CDH13: variants seen among roughly 807,000 people sequenced by gnomAD.
CDH13 encodes the protein cadherin 13, also known as cadherin-13.
CDH13 carries 24 observed loss-of-function variants against 63.8 expected under a neutral mutation model. The observed-to-expected ratio is 0.38, with a 90% confidence interval of 0.27 to 0.53. The LOEUF is 0.53. Among genes scored for constraint, CDH13 ranks in the 20% least tolerant of loss-of-function variants. CDH13 has a pLI of 0.85. For synonymous variants in CDH13, 503 were observed against 355.3 expected, an observed-to-expected ratio of 1.42 and a Z score of -4.67; for missense variants, 1,049 against 903.1, an observed-to-expected ratio of 1.16 and a Z score of -2.07.
rs73593957 is a variant in CDH13 at position 83,254,548 on chromosome 16, G to C, written c.636+37051G>C. 5.9e-3 allele frequency among the ~76,000 whole-genome samples: 891 copies of C among 152,204 alleles called. 8 individuals carry two copies. Among genetic ancestry groups the C allele is most frequent in the African/African-American group, 0.021 (853 of 41,520 alleles). ...TCTATGGACAGGATCCCCTGTGGCT[G>C]GCATGCTGTCACCATCTCCTCCTCC... On this transcript the variant is annotated intron_variant, in intron 5 of 13. Coordinates refer to ENST00000567109, the MANE Select transcript of CDH13 (RefSeq NM_001257.5).
intron 2 of CDH13, among the ~76,000 whole-genome samples, chr16:82,883,115 A>C (rs959653153): frequency 3.9e-5 from 6 of 152,202 alleles, no homozygotes; most frequent in Non-Finnish European, 8.8e-5. Flanking sequence ...ATGGGGTTTC[A>C]CACCATTAAA....
chr16:83,632,885 G>A lies in CDH13; in HGVS notation c.1101+30291G>A, dbSNP rs540437311. The stretch of plus-strand genomic sequence containing the variant: ...AAGGTGGATTATTCTTGGGTTTTCC[G>A]GGAAAGGGGTGGGCAGTTCCCAGAA... On this transcript the variant is annotated intron_variant, in intron 8 of 13. Transcript: ENST00000567109. Among the ~76,000 whole-genome samples, 91 of 151,518 alleles carry A rather than the reference G, an allele frequency of 6.0e-4. No individual in the cohort carries two copies. The Middle Eastern group carries it at 0.014, about 23-fold the overall frequency.
chr16:83,538,285 T>A (rs1425808330), intron 7 of CDH13, among the ~76,000 whole-genome samples: 1 of 152,304 alleles, frequency 6.6e-6, no homozygotes, highest in Middle Eastern at 3.4e-3. Context: ...CTTTTCAGAT[T>A]TATTTTGGTT....
intron 1 of CDH13, among the ~76,000 whole-genome samples, chr16:82,653,375 G>A (rs112967174): frequency 1.3e-5 from 2 of 152,282 alleles, no homozygotes; most frequent in African/African-American, 4.8e-5. Context: ...CAGGTGTGTT[G>A]GAAATACAGA....
intron 2 of CDH13, among the ~76,000 whole-genome samples, chr16:82,929,207 T>G (rs1325693754): frequency 1.3e-5 from 2 of 152,220 alleles, no homozygotes; most frequent in Non-Finnish European, 2.9e-5. Context: ...ATTCATATTT[T>G]GAAACCTAGC....
chr16:82,773,097 A>G (rs554178131), intron 1 of CDH13, among the ~76,000 whole-genome samples: 1 of 152,306 alleles, frequency 6.6e-6, no homozygotes, highest in Non-Finnish European at 1.5e-5. Context: ...CACTCCTTTC[A>G]TCTCTCAGAA....
intron 6 of CDH13, among the ~76,000 whole-genome samples, chr16:83,372,066 A>T (rs2091377135): frequency 6.6e-6 from 1 of 152,216 alleles, no homozygotes; most frequent in African/African-American, 2.4e-5. Flanking sequence ...AAACATCACC[A>T]TCATCAACAA....
intron 5 of CDH13, among the ~76,000 whole-genome samples, chr16:83,270,275 G>T (rs1393869012): frequency 6.6e-6 from 1 of 152,056 alleles, no homozygotes; most frequent in Non-Finnish European, 1.5e-5. Flanking sequence ...TGCTGTGTTT[G>T]GGTGGAATAA....
At chr16:82,677,188 G>A (rs1914026121) in intron 1 of CDH13, among the ~76,000 whole-genome samples, 1 of 152,180 alleles carries the variant, frequency 6.6e-6, no homozygotes, top group Non-Finnish European at 1.5e-5. Context: ...GGCCTACACA[G>A]TTTTTATGCA....
intron 3 of CDH13, among the ~76,000 whole-genome samples, chr16:83,057,841 G>A (rs190306872): frequency 6.6e-6 from 1 of 152,094 alleles, no homozygotes; most frequent in African/African-American, 2.4e-5. Flanking sequence ...ATTTTTTATG[G>A]TACTAAGAAA....
At position 82,813,146 on chromosome 16, in the gene CDH13, C is replaced by T. The variant is rs764708975; in HGVS notation, c.46-45216C>T. On this transcript the variant is annotated intron_variant, in intron 1 of 13. Transcript: ENST00000567109. The stretch of plus-strand genomic sequence containing the variant: ...TGTGTGCTGAAGTAAGCTGGAAATT[C>T]AGGTGTTCAGTTGATGTTTTTGGAG... Among the ~76,000 whole-genome samples, 170 of 152,212 alleles carry T rather than the reference C, an allele frequency of 1.1e-3. 1 individual carries two copies. The highest frequency in any genetic ancestry group is 1.9e-3 in the Non-Finnish European group (127 of 68,006).
At chr16:83,507,734 C>T (rs950348034) in intron 7 of CDH13, among the ~76,000 whole-genome samples, 2 of 151,958 alleles carry the variant, frequency 1.3e-5, no homozygotes, top group African/African-American at 2.4e-5. Flanking sequence ...AAATGTTTTG[C>T]TTAGTAAAAA....
At chr16:83,242,779 A>T (rs917654060) in intron 5 of CDH13, among the ~76,000 whole-genome samples, 1 of 152,224 alleles carries the variant, frequency 6.6e-6, no homozygotes. Context: ...CAGATGCAGC[A>T]GGATGGAGAA....
intron 1 of CDH13, among the ~76,000 whole-genome samples, chr16:82,834,095 T>C (rs1331332469): frequency 6.6e-6 from 1 of 152,170 alleles, no homozygotes; most frequent in African/African-American, 2.4e-5. Context: ...TATGATTGCT[T>C]TGTATTTTTT....
rs77695716 is a variant in CDH13 at position 83,430,404 on chromosome 16, C to G, written c.782-56073C>G. 7.2e-5 allele frequency among the ~76,000 whole-genome samples: 11 copies of G among 152,246 alleles called. 1 individual carries two copies. In the East Asian group the frequency reaches 2.1e-3, roughly 29 times the overall value. Reference sequence around the variant, plus strand: ...TAAGGAAAATGAATAAATGAAAAACCTGATTTCTTGGCAAACAACCTAATT... The same window carrying G: ...TAAGGAAAATGAATAAATGAAAAACGTGATTTCTTGGCAAACAACCTAATT... On this transcript the variant is annotated intron_variant, in intron 6 of 13. Transcript: ENST00000567109.
chr16:83,151,765 G>T (rs369228998), intron 4 of CDH13, among the ~76,000 whole-genome samples: 45 of 152,198 alleles, frequency 3.0e-4, no homozygotes, highest in East Asian at 2.9e-3. Context: ...AGGAGTTCAC[G>T]GCCAGCCTGA....
intron 7 of CDH13, among the ~76,000 whole-genome samples, chr16:83,553,390 C>A (rs1250639833): frequency 1.3e-5 from 2 of 152,182 alleles, no homozygotes; most frequent in Admixed American, 6.5e-5. Flanking sequence ...AGAGAAAACT[C>A]TTAGTAACTA....
At chr16:82,916,212 A>G (rs1018176714) in intron 2 of CDH13, among the ~76,000 whole-genome samples, 1 of 152,166 alleles carries the variant, frequency 6.6e-6, no homozygotes, top group African/African-American at 2.4e-5. Flanking sequence ...GGCTGCGGAA[A>G]TAGGTTAACC....
intron 1 of CDH13, among the ~76,000 whole-genome samples, chr16:82,654,646 T>C (rs1297840032): frequency 6.6e-6 from 1 of 152,174 alleles, no homozygotes; most frequent in African/African-American, 2.4e-5. Context: ...TGACAACTTT[T>C]ATTTGGGGGC....
Sources: gnomAD v4.1 joint callset for allele counts (sites outside exome capture counted in the v4.1 genomes callset) on GRCh38, gnomAD v4.1.1 for gene constraint, MANE v1.5 for transcripts, NCBI Gene and HGNC (gene_info 2026-07-23, HGNC 2026-07-21) for gene names.